TTLL11: variants seen among roughly 807,000 people sequenced by gnomAD.
TTLL11 encodes tubulin polyglutamylase TTLL11.
Under a neutral mutation model 51.7 loss-of-function variants are expected in TTLL11, and 42 were observed. The observed-to-expected ratio is 0.81, with a 90% CI of 0.64 to 1.05. The LOEUF (loss-of-function observed/expected upper bound fraction) is 1.05, where lower values mean the gene tolerates loss of function less well. Among genes scored for constraint, TTLL11 ranks in the 50% least tolerant of loss-of-function variants. The pLI is 0.00. For synonymous variants in TTLL11, 381 were observed against 383.5 expected, an observed-to-expected ratio of 0.99 and a Z score of 0.08; for missense variants, 799 against 940.4, an observed-to-expected ratio of 0.85 and a Z score of 1.97.
At chr9:122,020,026 C>A (rs1220787111) in intron 3 of TTLL11, among the ~76,000 whole-genome samples, 1 of 152,180 alleles carries the variant, frequency 6.6e-6, no homozygotes, top group Non-Finnish European at 1.5e-5. Flanking sequence ...GTCCATTAAA[C>A]CTCTTTTTCT....
rs1837961828 is a variant in TTLL11, at chr9:121,860,207, G to C, written c.1840+130C>G. Reference sequence around the variant, plus strand: ...AGCATTTAAATTCAGCTCAATCCCTGGGATTATGTCTAGATCTGATGGCAT... The same window carrying C: ...AGCATTTAAATTCAGCTCAATCCCTCGGATTATGTCTAGATCTGATGGCAT... On this transcript the variant is annotated intron_variant, in intron 8 of 8. Coordinates refer to ENST00000321582, the MANE Select transcript of TTLL11 (RefSeq NM_001139442.2). The C allele has an allele frequency of 4.5e-6, 3 of 668,156 alleles. No individual in the cohort carries two copies. The East Asian group carries it at 8.5e-5, about 19-fold the overall frequency. The allele number at this position is 668,156 out of a possible 1,614,324, so 41.4% of individuals were successfully genotyped here. A position where few individuals can be genotyped will look rare whatever the true frequency, so the allele number is the denominator to read the frequency against.
At position 121,819,313 on chromosome 9, in the gene TTLL11, T is replaced by C. The variant is rs558977419; in HGVS notation, c.*3274A>G. On this transcript the variant is annotated 3_prime_UTR_variant, in exon 9 of 9. Transcript: ENST00000321582. ...AGGTTGGAAGGAAGGGAGCAGGCAGTGTCAGCAAGGCAGGAGCAAGGAGGC... is the reference window on the plus strand; with the variant it reads ...AGGTTGGAAGGAAGGGAGCAGGCAGCGTCAGCAAGGCAGGAGCAAGGAGGC... The C allele has an allele frequency of 1.3e-5, 2 of 152,546 alleles. No individual in the cohort carries two copies. Among genetic ancestry groups the C allele is most frequent in the Non-Finnish European group, 2.9e-5 (2 of 68,290 alleles). 9.4% of individuals were successfully genotyped at this position (152,546 alleles called of 1,614,324 possible).
intron 7 of TTLL11, among the ~76,000 whole-genome samples, chr9:121,862,466 C>T (rs1360390300): frequency 1.3e-5 from 2 of 152,212 alleles, no homozygotes; most frequent in Non-Finnish European, 2.9e-5. Flanking sequence ...CTCTCTCCCC[C>T]TTTTCCCTTT....
chr9:121,870,365 C>T (rs1298779190), intron 7 of TTLL11, 132 bp downstream of exon 7: 4 of 1,225,228 alleles, frequency 3.3e-6, no homozygotes, highest in Non-Finnish European at 4.4e-6. Flanking sequence ...CTAGGCTAAT[C>T]CAAGCTCAAA....
At chr9:121,970,322 A>G (rs1033130953) in intron 6 of TTLL11, among the ~76,000 whole-genome samples, 1 of 152,216 alleles carries the variant, frequency 6.6e-6, no homozygotes, top group African/African-American at 2.4e-5. Flanking sequence ...TGCAGCTCCT[A>G]TGGATTAACT....
chr9:121,870,863 G>A (rs974597804), intron 6 of TTLL11, 115 bp from the exon 7 acceptor site: 33 of 1,214,108 alleles, frequency 2.7e-5, no homozygotes, highest in East Asian at 1.3e-4. Flanking sequence ...TTTACAGACA[G>A]CAAGACTGAC....
intron 1 of TTLL11, among the ~76,000 whole-genome samples, chr9:122,069,746 G>A (rs1588255316): frequency 6.6e-6 from 1 of 152,118 alleles, no homozygotes; most frequent in African/African-American, 2.4e-5. Context: ...GTGGAGTCTG[G>A]TCACTCTCCC....
intron 6 of TTLL11, among the ~76,000 whole-genome samples, chr9:121,961,780 G>T (rs986062860): frequency 6.6e-6 from 1 of 152,238 alleles, no homozygotes; most frequent in African/African-American, 2.4e-5. Flanking sequence ...AATAGGCCAG[G>T]TGCCATGGCT....
intron 6 of TTLL11, among the ~76,000 whole-genome samples, chr9:121,898,791 C>T (rs1456729516): frequency 1.3e-5 from 2 of 152,234 alleles, no homozygotes; most frequent in African/African-American, 4.8e-5. Context: ...GTGGCTAAGA[C>T]TACAGCCACA....
intron 6 of TTLL11, among the ~76,000 whole-genome samples, chr9:121,900,513 A>G (rs1839733128): frequency 6.6e-6 from 1 of 152,166 alleles, no homozygotes; most frequent in Non-Finnish European, 1.5e-5. Context: ...GTCAAAGATC[A>G]TTGATGTCTT....
At chr9:121,925,557 A>T (rs1840698967) in intron 6 of TTLL11, among the ~76,000 whole-genome samples, 2 of 151,926 alleles carry the variant, frequency 1.3e-5, no homozygotes, top group African/African-American at 4.8e-5. Flanking sequence ...ATGAGCATTG[A>T]CTCATTCTTC....
chr9:121,858,572 A>G (rs1313096438), intron 8 of TTLL11, among the ~76,000 whole-genome samples: 1 of 152,228 alleles, frequency 6.6e-6, no homozygotes, highest in African/African-American at 2.4e-5. Context: ...GCCCTGCAGG[A>G]AGGACCGGCT....
intron 1 of TTLL11, among the ~76,000 whole-genome samples, chr9:122,054,344 C>T (rs556057525): frequency 1.1e-4 from 16 of 152,172 alleles, no homozygotes; most frequent in South Asian, 2.1e-4. Context: ...ATAATTTCAG[C>T]GTACCATAGC....
At chr9:122,054,220 G>A (rs1248223543) in intron 1 of TTLL11, among the ~76,000 whole-genome samples, 2 of 151,912 alleles carry the variant, frequency 1.3e-5, no homozygotes, top group African/African-American at 4.8e-5. Flanking sequence ...CGTCCGCCTT[G>A]CTTCCGCTTG....
intron 1 of TTLL11, among the ~76,000 whole-genome samples, chr9:122,091,041 C>T (rs551098408): frequency 6.6e-6 from 1 of 152,276 alleles, no homozygotes; most frequent in African/African-American, 2.4e-5. Flanking sequence ...TCCCAGGGCC[C>T]AGCAAAGAAC....
chr9:121,836,182 T>C (rs527508588), intron 8 of TTLL11, among the ~76,000 whole-genome samples: 1 of 152,298 alleles, frequency 6.6e-6, no homozygotes, highest in Admixed American at 6.5e-5. Flanking sequence ...TTTAGTGATA[T>C]GGCAAAGCTT....
chr9:122,009,389 TA>T (rs1275909527), intron 3 of TTLL11, among the ~76,000 whole-genome samples: 1 of 152,042 alleles, frequency 6.6e-6, no homozygotes, highest in Non-Finnish European at 1.5e-5. Context: ...ACAAATTTAT[TA>T]AAATTTAAAA....
At chr9:121,938,288 C>CAAAAAAA (rs772725991) in intron 6 of TTLL11, among the ~76,000 whole-genome samples, 4 of 133,694 alleles carry the variant, frequency 3.0e-5, no homozygotes, top group African/African-American at 8.7e-5. Flanking sequence ...GACGCTGTCT[C>CAAAAAAA]AAAAAGAAAA....
intron 6 of TTLL11, among the ~76,000 whole-genome samples, chr9:121,929,249 G>C (rs1840868312): frequency 6.6e-6 from 1 of 152,098 alleles, no homozygotes; most frequent in South Asian, 2.1e-4. Context: ...AGACCAGCCT[G>C]ACCAACATGG....
Sources: gnomAD v4.1 joint callset for allele counts (sites outside exome capture counted in the v4.1 genomes callset) on GRCh38, gnomAD v4.1.1 for gene constraint, MANE v1.5 for transcripts, NCBI Gene and HGNC (gene_info 2026-07-23, HGNC 2026-07-21) for gene names.